The following CDS2 variants were observed in gnomAD, a reference collection of about 807,000 sequenced individuals.
The protein encoded by CDS2 is CDP-diacylglycerol synthase 2.
In CDS2, 47 loss-of-function variants were observed where a neutral mutation model predicts 59.0. That is an observed-to-expected ratio of 0.80 (90% CI 0.63 to 1.02). The LOEUF (loss-of-function observed/expected upper bound fraction) is 1.02, where lower values mean the gene tolerates loss of function less well. CDS2 is among the 50% of genes least tolerant of loss of function. The pLI, the probability that CDS2 is intolerant of heterozygous loss-of-function variation, is 0.00. For missense variants in CDS2, 356 were observed against 558.9 expected (o/e 0.64, Z 3.66); for synonymous variants, 207 against 206.4 (o/e 1.00, Z -0.02).
intron 1 of CDS2, among the ~76,000 whole-genome samples, chr20:5,144,439 A>C (rs1179107201): frequency 1.3e-5 from 2 of 152,122 alleles, no homozygotes; most frequent in Non-Finnish European, 2.9e-5. Flanking sequence ...CTTGGTAATG[A>C]GGTCGCCTTA....
intron 1 of CDS2, among the ~76,000 whole-genome samples, chr20:5,135,217 C>G (rs143742526): frequency 6.6e-6 from 1 of 152,192 alleles, no homozygotes; most frequent in African/African-American, 2.4e-5. Context: ...CGTGAGCCAC[C>G]GTGCCCGGCC....
intron 1 of CDS2, among the ~76,000 whole-genome samples, chr20:5,140,479 T>C (rs1289136623): frequency 6.6e-6 from 1 of 152,228 alleles, no homozygotes; most frequent in Non-Finnish European, 1.5e-5. Flanking sequence ...CTGATTACAA[T>C]CATAAACTCA....
intron 1 of CDS2, among the ~76,000 whole-genome samples, chr20:5,157,457 T>C (rs891356662): frequency 3.4e-4 from 51 of 152,064 alleles, no homozygotes; most frequent in African/African-American, 1.2e-3. Flanking sequence ...TTGATTGGCA[T>C]AGGAGAGCAC....
chr20:5,186,890 AG>A (rs1477058652), intron 10 of CDS2, 51 bp downstream of exon 10: 1 of 1,597,634 alleles, frequency 6.3e-7, no homozygotes, highest in Admixed American at 1.7e-5. Context: ...GTGGCTACAA[AG>A]AGAGATCCCC....
chr20:5,171,089 C>T (rs942925027), intron 1 of CDS2, among the ~76,000 whole-genome samples: 32 of 152,216 alleles, frequency 2.1e-4, no homozygotes, highest in African/African-American at 6.8e-4. Context: ...CTACTCTCTG[C>T]CTCTGGATAC....
At chr20:5,134,903 A>G (rs1457054722) in intron 1 of CDS2, among the ~76,000 whole-genome samples, 3 of 152,222 alleles carry the variant, frequency 2.0e-5, no homozygotes, top group Non-Finnish European at 2.9e-5. Context: ...TACTTGATAA[A>G]ATCATTCAGA....
rs2090557643 is a variant in CDS2 at position 5,127,033 on chromosome 20, G to T, written c.-60G>T. On this transcript the variant is annotated 5_prime_UTR_variant, in exon 1 of 13. Coordinates refer to ENST00000460006, the MANE Select transcript of CDS2 (RefSeq NM_003818.4). ...GGGAGTCCGCGCGTGCCCGCGCCGA[G>T]CTGCCTGCTCCGGCGGCTTCGCTGC... is the stretch of plus-strand genomic sequence containing the variant. 4.1e-6 allele frequency: 6 copies of T among 1,454,560 alleles called. No individual in the cohort carries two copies. The highest frequency in any genetic ancestry group is 5.5e-6 in the Non-Finnish European group (6 of 1,095,948). The allele number at this position is 1,454,560 out of a possible 1,614,324, so 90.1% of individuals were successfully genotyped here.
intron 1 of CDS2, among the ~76,000 whole-genome samples, chr20:5,166,946 AGTT>A (rs1376074425): frequency 1.3e-5 from 2 of 152,164 alleles, no homozygotes; most frequent in African/African-American, 4.8e-5. Context: ...AGCTGTCAGA[AGTT>A]GTTTGTTGAG....
chr20:5,165,417 C>A (rs1471751609), intron 1 of CDS2, among the ~76,000 whole-genome samples: 1 of 152,224 alleles, frequency 6.6e-6, no homozygotes, highest in Non-Finnish European at 1.5e-5. Flanking sequence ...TTGGCTCTGG[C>A]TGCCTCTGCA....
intron 5 of CDS2, among the ~76,000 whole-genome samples, chr20:5,180,404 G>A (rs1335554067): frequency 6.6e-6 from 1 of 151,876 alleles, no homozygotes; most frequent in East Asian, 1.9e-4. Context: ...CCATTTTTAT[G>A]GTTATTTCTT....
chr20:5,137,275 G>T (rs1399061349), intron 1 of CDS2, among the ~76,000 whole-genome samples: 1 of 144,228 alleles, frequency 6.9e-6, no homozygotes, highest in Non-Finnish European at 1.5e-5. Flanking sequence ...ATGGAGTCTC[G>T]CCCTGTCGCC....
chr20:5,134,818 G>A lies in CDS2; in HGVS notation c.57+7669G>A, dbSNP rs116085608. Among the ~76,000 whole-genome samples the A allele has an allele frequency of 2.0e-3, 300 of 152,318 alleles. 1 individual carries two copies. The highest frequency in any genetic ancestry group is 7.0e-3 in the African/African-American group (289 of 41,580). On this transcript the variant is annotated intron_variant, in intron 1 of 12. Coordinates refer to ENST00000460006, the MANE Select transcript of CDS2 (RefSeq NM_003818.4). ...TTACAGGCATGAGCCACCGTACCCA[G>A]CCGACTGCATATTTAAATTGGTAAG...
chr20:5,178,861 T>G lies in CDS2; in HGVS notation c.434T>G (p.Val145Gly). The G allele has an allele frequency of 6.2e-7, 1 of 1,614,170 alleles. No homozygotes were observed. Among genetic ancestry groups the G allele is most frequent in the Non-Finnish European group, 8.5e-7 (1 of 1,179,984 alleles). Residue 145 changes from valine (V) to glycine (G), a missense_variant, in exon 5 of 13, where the codon GTG becomes GGG. By Grantham distance (109) the Val-to-Gly change is moderately radical. Transcript: ENST00000460006. The stretch of plus-strand genomic sequence containing the variant: ...AACTATTTCTTCTATGGTGAGACAG[T>G]GACGGATTACTTCTTCACCCTGGTC... ...CVNYFFYGET[V>G]TDYFFTLVQR...
chr20:5,189,873 AT>A (rs758754145), intron 12 of CDS2, 35 bp downstream of exon 12: 1 of 1,535,992 alleles, frequency 6.5e-7, no homozygotes, highest in Non-Finnish European at 9.0e-7. Context: ...AAGTTGGTGG[AT>A]TTTTAAGTAC....
In CDS2 at chr20:5,184,312, G is replaced by C. The variant is rs6053182; in HGVS notation, c.672-546G>C. 5.6e-4 allele frequency among the ~76,000 whole-genome samples: 85 copies of C among 152,286 alleles called. No homozygotes were observed. The highest frequency in any genetic ancestry group is 1.8e-3 in the African/African-American group (76 of 41,554). On this transcript the variant is annotated intron_variant, in intron 7 of 12. Transcript: ENST00000460006. The surrounding 1 kb of genome is among the most constrained non-coding windows in gnomAD (Gnocchi z 4.3). ...TGGATCAGCAGGGGAGTGGGCAGAGGGGAAATCTAGCTGTGCGTGTTGGGG... is the reference window on the plus strand; with the variant it reads ...TGGATCAGCAGGGGAGTGGGCAGAGCGGAAATCTAGCTGTGCGTGTTGGGG...
chr20:5,127,157 C>A lies in CDS2; in HGVS notation c.57+8C>A. ...GCGCCACCCGAGGACAAGGTAGCGG[C>A]AGCGTCGGGGTGGGCGCGGCCGGGA... On this transcript the variant is annotated splice_region_variant and intron_variant, in intron 1 of 12. Coordinates refer to ENST00000460006, the MANE Select transcript of CDS2 (RefSeq NM_003818.4). 6.7e-7 allele frequency: 1 copy of A among 1,489,264 alleles called. No individual in the cohort carries two copies. Among genetic ancestry groups the A allele is most frequent in the Non-Finnish European group, 8.9e-7 (1 of 1,118,008 alleles). 92.3% of individuals were successfully genotyped at this position (1,489,264 alleles called of 1,614,324 possible).
intron 1 of CDS2, among the ~76,000 whole-genome samples, chr20:5,132,109 T>G (rs2090612345): frequency 6.6e-6 from 1 of 152,084 alleles, no homozygotes; most frequent in Non-Finnish European, 1.5e-5. Flanking sequence ...TTAATTTTTT[T>G]TTTTTTGAGA....
rs2090557397 is a variant in CDS2, at chr20:5,127,022, G to A, written c.-71G>A. ...GGGCCGGCCGTGGGAGTCCGCGCGT[G>A]CCCGCGCCGAGCTGCCTGCTCCGGC... On this transcript the variant is annotated 5_prime_UTR_variant, in exon 1 of 13. Transcript: ENST00000460006. The A allele has an allele frequency of 5.0e-6, 7 of 1,413,180 alleles. No individual in the cohort carries two copies. The highest frequency in any genetic ancestry group is 2.8e-5 in the South Asian group (2 of 71,952). 87.5% of individuals were successfully genotyped at this position (1,413,180 alleles called of 1,614,324 possible).
intron 1 of CDS2, among the ~76,000 whole-genome samples, chr20:5,147,950 G>T (rs1198520747): frequency 1.3e-5 from 2 of 151,256 alleles, no homozygotes; most frequent in African/African-American, 4.9e-5. Context: ...GTTTTTTTTT[G>T]TTGTTGTTGC....
Sources: allele counts gnomAD v4.1 joint callset (sites outside exome capture counted in the v4.1 genomes callset), GRCh38; gene constraint gnomAD v4.1.1; non-coding constraint Gnocchi (gnomAD v3.1); transcripts MANE v1.5; gene names NCBI Gene and HGNC (gene_info 2026-07-23, HGNC 2026-07-21).